Variants in ROBO2 observed in about 807,000 individuals in gnomAD.
The protein encoded by ROBO2 is roundabout guidance receptor 2, also known as roundabout homolog 2.
ROBO2 carries 53 observed loss-of-function variants against 160.8 expected under a neutral mutation model. The ratio of observed to expected loss-of-function variants is 0.33; its 90% confidence interval spans 0.26 to 0.41. The LOEUF is 0.41. Among genes scored for constraint, ROBO2 ranks in the 10% least tolerant of loss-of-function variants. The probability of loss-of-function intolerance (pLI) is 1.00; values close to 1 mark genes in which losing one functional copy is unlikely to be tolerated. For missense variants in ROBO2, 1,577 were observed against 1,722.4 expected, an observed-to-expected ratio of 0.92 and a Z score of 1.49; for synonymous variants, 664 against 611.7, an observed-to-expected ratio of 1.09 and a Z score of -1.26.
chr3:76,898,224 A>T (rs2074960214), intron 2 of ROBO2, among the ~76,000 whole-genome samples: 1 of 152,126 alleles, frequency 6.6e-6, no homozygotes, highest in Admixed American at 6.6e-5. Flanking sequence ...TTTATTTATT[A>T]AAGGCTTTAT....
chr3:76,674,404 C>T (rs1205364041), intron 2 of ROBO2, among the ~76,000 whole-genome samples: 2 of 151,956 alleles, frequency 1.3e-5, no homozygotes, highest in East Asian at 3.9e-4. Context: ...GTCAGCACTC[C>T]CCATCCCAGG....
intron 2 of ROBO2, among the ~76,000 whole-genome samples, chr3:76,705,598 G>T (rs562693471): frequency 6.6e-6 from 1 of 152,160 alleles, no homozygotes; most frequent in African/African-American, 2.4e-5. Flanking sequence ...TCATTGGGGA[G>T]AAACTAAAAT....
At chr3:77,317,054 C>T in intron 2 of ROBO2, 1 of 1,488,612 alleles carries the variant, frequency 6.7e-7, no homozygotes, top group Non-Finnish European at 9.4e-7. Flanking sequence ...CCGTCATTCA[C>T]AGTAGTGTGA....
chr3:77,289,490 A>G (rs1580704020), intron 2 of ROBO2, among the ~76,000 whole-genome samples: 1 of 151,978 alleles, frequency 6.6e-6, no homozygotes, highest in Non-Finnish European at 1.5e-5. Context: ...CACTAAAGAT[A>G]TAAAGTAAAA....
intron 1 of ROBO2, among the ~76,000 whole-genome samples, chr3:77,056,829 A>T (rs1055804991): frequency 1.3e-5 from 2 of 152,192 alleles, no homozygotes; most frequent in African/African-American, 4.8e-5. Context: ...TAATATACAC[A>T]TATACACAGA....
intron 2 of ROBO2, among the ~76,000 whole-genome samples, chr3:76,326,867 G>C (rs953241583): frequency 6.7e-5 from 10 of 148,640 alleles, no homozygotes; most frequent in Non-Finnish European, 4.4e-5. Context: ...AGAATATGCG[G>C]TGTTTGGTTT....
At chr3:76,595,852 C>T (rs994590126) in intron 2 of ROBO2, among the ~76,000 whole-genome samples, 1 of 151,998 alleles carries the variant, frequency 6.6e-6, no homozygotes. Flanking sequence ...TTGGACAATC[C>T]ACTTGAAATT....
chr3:76,736,143 C>T (rs1286383483), intron 2 of ROBO2, among the ~76,000 whole-genome samples: 2 of 151,244 alleles, frequency 1.3e-5, no homozygotes, highest in Admixed American at 6.6e-5. Flanking sequence ...ATTATCCGGG[C>T]GTGGTGGTGG....
chr3:77,430,462 T>A (rs2153541132), intron 2 of ROBO2, among the ~76,000 whole-genome samples: 1 of 152,162 alleles, frequency 6.6e-6, no homozygotes, highest in South Asian at 2.1e-4. Flanking sequence ...GTATTAAAAA[T>A]TTTATTGATA....
intron 2 of ROBO2, among the ~76,000 whole-genome samples, chr3:77,221,663 C>T (rs1298798634): frequency 6.6e-6 from 1 of 152,062 alleles, no homozygotes; most frequent in Non-Finnish European, 1.5e-5. Context: ...GTCAAGTGCC[C>T]ATCCATTCAC....
chr3:76,428,953 A>C (rs945245191), intron 2 of ROBO2, among the ~76,000 whole-genome samples: 1 of 152,086 alleles, frequency 6.6e-6, no homozygotes, highest in East Asian at 1.9e-4. Flanking sequence ...CTAGGCCATA[A>C]ATTTCTTCTC....
chr3:77,540,051 G>A (rs927658884), intron 6 of ROBO2, among the ~76,000 whole-genome samples: 2 of 152,154 alleles, frequency 1.3e-5, no homozygotes, highest in Admixed American at 1.3e-4. Flanking sequence ...AATGCTACAC[G>A]GAGAAGAATA....
At chr3:77,592,789 A>G (rs1255156682) in intron 17 of ROBO2, among the ~76,000 whole-genome samples, 1 of 152,024 alleles carries the variant, frequency 6.6e-6, no homozygotes, top group Non-Finnish European at 1.5e-5. Context: ...TGACCTCGTG[A>G]TCCACCCCCT....
chr3:76,359,841 G>GGAAGCCAGTATATTATAGAGA (rs2075400259), intron 2 of ROBO2, among the ~76,000 whole-genome samples: 1 of 151,900 alleles, frequency 6.6e-6, no homozygotes, highest in Non-Finnish European at 1.5e-5. Context: ...GAAATGTACA[G>GGAAGCCAGTATATTATAGAGA]GAAGCCAGTA....
chr3:77,289,964 C>T (rs1267041676), intron 2 of ROBO2, among the ~76,000 whole-genome samples: 1 of 151,748 alleles, frequency 6.6e-6, no homozygotes, highest in Non-Finnish European at 1.5e-5. Flanking sequence ...TCACCCCAGA[C>T]ATTAAGTAAA....
exon 26 of ROBO2, chr3:77,649,914 T>G (rs1222796381): frequency 1.3e-5 from 2 of 152,172 alleles, no homozygotes; most frequent in African/African-American, 4.8e-5. Flanking sequence ...TGTCAAAGAA[T>G]TGTGTATTGT....
chr3:77,607,071 G>T (rs2094539791), intron 20 of ROBO2, among the ~76,000 whole-genome samples: 1 of 152,074 alleles, frequency 6.6e-6, no homozygotes, highest in Non-Finnish European at 1.5e-5. Flanking sequence ...CTCATATGCT[G>T]CTAGCTTACT....
rs1314078768 is a variant in ROBO2 at position 76,162,378 on chromosome 3, T to C, written c.109+224776T>C. Among the ~76,000 whole-genome samples, 4 of 152,306 alleles carry C rather than the reference T, an allele frequency of 2.6e-5. 1 individual carries two copies. The highest frequency in any genetic ancestry group is 7.2e-5 in the African/African-American group (3 of 41,588). Reference sequence around the variant, plus strand: ...AGGCTGGAGTTCAGTGGCATTTTCATAGCCCACTATAGGATCAAACTCCTG... The same window carrying C: ...AGGCTGGAGTTCAGTGGCATTTTCACAGCCCACTATAGGATCAAACTCCTG... On this transcript the variant is annotated intron_variant, in intron 2 of 26. Coordinates refer to the ROBO2 transcript ENST00000487694.
At chr3:76,391,653 C>G (rs2077159516) in intron 2 of ROBO2, among the ~76,000 whole-genome samples, 1 of 152,026 alleles carries the variant, frequency 6.6e-6, no homozygotes, top group African/African-American at 2.4e-5. Context: ...TCCCGGACTA[C>G]AGGTGTGTGC....
Sources: allele counts gnomAD v4.1 joint callset (sites outside exome capture counted in the v4.1 genomes callset), GRCh38; gene constraint gnomAD v4.1.1; transcripts MANE v1.5; gene names NCBI Gene and HGNC (gene_info 2026-07-23, HGNC 2026-07-21).